The following ANKRD26 variants were observed in gnomAD, a reference collection of about 807,000 sequenced individuals.
ANKRD26 encodes ankyrin repeat domain-containing protein 26.
A neutral mutation model predicts 208.7 loss-of-function variants in ANKRD26; 141 were observed. That is an observed-to-expected ratio of 0.68 (90% CI 0.59 to 0.78). The LOEUF is 0.78. Ranked by LOEUF, ANKRD26 falls within the 30% of genes least tolerant of loss-of-function variation. ANKRD26 has a pLI of 0.00. For synonymous variants in ANKRD26, 636 were observed against 660.4 expected, an observed-to-expected ratio of 0.96 and a Z score of 0.57; for missense variants, 1,889 against 1,938.7, an observed-to-expected ratio of 0.97 and a Z score of 0.48.
intron 4 of ANKRD26, among the ~76,000 whole-genome samples, chr10:26,981,816 G>C (rs538602998): frequency 1.3e-5 from 2 of 152,212 alleles, no homozygotes; most frequent in African/African-American, 4.8e-5. Flanking sequence ...GCTTTCCAGG[G>C]CAATTACTCC....
rs2052909519 is a variant in ANKRD26, at chr10:27,006,979, G to A, written c.4954-17C>T. Reference sequence around the variant, plus strand: ...CTGCTGCATCTGAAAAAAGTCAAATGTTATTTATAATGTTTAAGTTAGACA... The same window carrying A: ...CTGCTGCATCTGAAAAAAGTCAAATATTATTTATAATGTTTAAGTTAGACA... On this transcript the variant is annotated splice_polypyrimidine_tract_variant and intron_variant, in intron 32 of 33. Coordinates refer to ENST00000376087, the MANE Select transcript of ANKRD26 (RefSeq NM_014915.3). The A allele has an allele frequency of 1.3e-6, 2 of 1,578,856 alleles. No homozygotes were observed. Among genetic ancestry groups the A allele is most frequent in the Non-Finnish European group, 1.7e-6 (2 of 1,149,850 alleles).
rs2053503912 is a variant in ANKRD26 at position 27,021,932 on chromosome 10, C to G, written c.4215+626G>C. Reference sequence around the variant, plus strand: ...AATTTGTGTAAGTTCCTTATAGATGCCGGATATAAGACCTTTGTTAGATGC... The same window carrying G: ...AATTTGTGTAAGTTCCTTATAGATGGCGGATATAAGACCTTTGTTAGATGC... On this transcript the variant is annotated intron_variant, in intron 29 of 33. Transcript: ENST00000376087. 2.6e-5 allele frequency among the ~76,000 whole-genome samples: 4 copies of G among 152,104 alleles called. 1 individual carries two copies. The South Asian group carries it at 8.3e-4, about 32-fold the overall frequency.
the ANKRD26 span, among the ~76,000 whole-genome samples, chr10:26,959,254 G>A: frequency 9.9e-5 from 15 of 150,998 alleles, no homozygotes; most frequent in East Asian, 2.1e-3. Flanking sequence ...CTCCAGCCTC[G>A]GTGACAGAGT....
intron 7 of ANKRD26, among the ~76,000 whole-genome samples, chr10:27,078,091 T>G (rs773063843): frequency 8.5e-5 from 13 of 152,234 alleles, no homozygotes; most frequent in Non-Finnish European, 1.2e-4. Flanking sequence ...GATTTATATT[T>G]GCATGAATTA....
rs376035947 is a variant in ANKRD26 at position 27,060,348 on chromosome 10, C to T, written c.1561G>A (p.Ala521Thr). Residue 521 changes from alanine (A) to threonine (T), a missense_variant, in exon 15 of 34, where the codon GCA becomes ACA. Ala to Thr is a moderately conservative substitution (Grantham distance 58, BLOSUM62 0). Transcript: ENST00000376087. ...GGMKDVQTSK[A>T]AEHDLEVASE... is the part of the protein sequence containing the mutation. Reference sequence around the variant, plus strand: ...AAATATATATTGCAACATTTACCTGCTTTGGATGTTTGTACATCCTTCATT... The same window carrying T: ...AAATATATATTGCAACATTTACCTGTTTTGGATGTTTGTACATCCTTCATT... 2 of 1,603,130 alleles carry T rather than the reference C, an allele frequency of 1.2e-6. No homozygotes were observed. The highest frequency in any genetic ancestry group is 1.7e-6 in the Non-Finnish European group (2 of 1,170,442).
chr10:27,063,817 T>C (rs114289405), intron 12 of ANKRD26, among the ~76,000 whole-genome samples, 171 bp downstream of exon 12: 264 of 152,330 alleles, frequency 1.7e-3, no homozygotes, highest in African/African-American at 6.2e-3. Context: ...CACTAGCAAT[T>C]TAATCTGTTG....
At chr10:27,079,311 G>T in intron 6 of ANKRD26, 150 bp from the exon 7 acceptor site, 1 of 683,910 alleles carries the variant, frequency 1.5e-6, no homozygotes, top group Admixed American at 2.7e-5. Flanking sequence ...GATGTTTCTT[G>T]ATCTAATTAA....
At chr10:26,951,986 CTTT>C in the ANKRD26 span, among the ~76,000 whole-genome samples, 3 of 150,164 alleles carry the variant, frequency 2.0e-5, no homozygotes, top group Non-Finnish European at 3.0e-5. Flanking sequence ...CTTTATTCTT[CTTT>C]ATCTCTGTTT....
At chr10:27,068,637 C>T (rs112599021) in intron 9 of ANKRD26, among the ~76,000 whole-genome samples, 1,751 of 152,146 alleles carry the variant, frequency 0.012, 37 homozygotes, top group African/African-American at 0.04. Context: ...CCACCAAGGA[C>T]CTGTGTTATG....
downstream of ANKRD26, among the ~76,000 whole-genome samples, chr10:26,988,015 C>G (rs2052419377): frequency 6.6e-6 from 1 of 152,128 alleles, no homozygotes; most frequent in Admixed American, 6.6e-5. Context: ...GGGAGAAAGG[C>G]AATTTGTAGT....
chr10:27,034,747 A>C (rs370176646), intron 24 of ANKRD26, 49 bp downstream of exon 24: 77 of 1,254,322 alleles, frequency 6.1e-5, no homozygotes, highest in Non-Finnish European at 8.1e-5. Context: ...TATTATTTTA[A>C]ATTTTCTTTC....
At chr10:26,963,531 T>A in the ANKRD26 span, among the ~76,000 whole-genome samples, 2 of 152,184 alleles carry the variant, frequency 1.3e-5, no homozygotes. Context: ...GATAGCACAT[T>A]GAATAGCAAG....
At chr10:26,967,129 CAT>C in the ANKRD26 span, among the ~76,000 whole-genome samples, 1 of 72,522 alleles carries the variant, frequency 1.4e-5, no homozygotes, top group African/African-American at 3.0e-5. Flanking sequence ...AGTGATATAA[CAT>C]AGACATTCTT....
chr10:27,020,152 TG>T (rs2053437740), intron 29 of ANKRD26, among the ~76,000 whole-genome samples: 1 of 152,014 alleles, frequency 6.6e-6, no homozygotes, highest in Admixed American at 6.6e-5. Context: ...TATCATGGGA[TG>T]AATTATTTTC....
At chr10:27,055,621 T>C (rs1322319138) in intron 15 of ANKRD26, among the ~76,000 whole-genome samples, 1 of 152,150 alleles carries the variant, frequency 6.6e-6, no homozygotes, top group Non-Finnish European at 1.5e-5. Context: ...ATTAATAAAA[T>C]TGAATTTCAT....
chr10:26,971,401 G>A (rs185207200), downstream of ANKRD26, among the ~76,000 whole-genome samples: 361 of 152,076 alleles, frequency 2.4e-3, 1 homozygote, highest in Non-Finnish European at 3.7e-3. Context: ...AGAGCCAGGC[G>A]TGGTGGCTCA....
At chr10:26,950,663 T>A in the ANKRD26 span, among the ~76,000 whole-genome samples, 1 of 152,270 alleles carries the variant, frequency 6.6e-6, no homozygotes, top group Non-Finnish European at 1.5e-5. Flanking sequence ...TTCCCATGAA[T>A]GGAAGCCTCC....
exon 6 of ANKRD26, among the ~76,000 whole-genome samples, chr10:26,975,925 C>T (rs1344008081): frequency 1.3e-5 from 2 of 151,720 alleles, no homozygotes; most frequent in African/African-American, 2.4e-5. Flanking sequence ...GTAACGTAGG[C>T]ATTACGTAGG....
intron 3 of ANKRD26, among the ~76,000 whole-genome samples, chr10:26,983,925 C>T (rs1317597592): frequency 2.0e-5 from 3 of 152,154 alleles, no homozygotes; most frequent in Non-Finnish European, 4.4e-5. Flanking sequence ...AGATACCCAT[C>T]ATGACAGGCT....
Sources: gnomAD v4.1 joint callset for allele counts (sites outside exome capture counted in the v4.1 genomes callset) on GRCh38, gnomAD v4.1.1 for gene constraint, MANE v1.5 for transcripts, NCBI Gene and HGNC (gene_info 2026-07-23, HGNC 2026-07-21) for gene names.